Variants in THRB observed in about 807,000 individuals in gnomAD.
The protein encoded by THRB is thyroid hormone receptor beta.
In THRB, 12 loss-of-function variants were observed where a neutral mutation model predicts 47.8. The ratio of observed to expected loss-of-function variants is 0.25; its 90% CI spans 0.16 to 0.41. The LOEUF is 0.41. Ranked by LOEUF, THRB falls within the 10% of genes least tolerant of loss-of-function variation. The probability of loss-of-function intolerance (pLI) is 1.00; values close to 1 mark genes in which losing one functional copy is unlikely to be tolerated. For synonymous variants in THRB, 218 were observed against 212.2 expected (o/e 1.03, Z -0.24); for missense variants, 348 against 589.2 (o/e 0.59, Z 4.24).
At chr3:24,219,670 T>C (rs1017860933) in intron 4 of THRB, among the ~76,000 whole-genome samples, 4 of 152,352 alleles carry the variant, frequency 2.6e-5, no homozygotes, top group Middle Eastern at 3.4e-3. Context: ...TTAGATTTTT[T>C]TGTAGGTACT....
chr3:24,168,612 G>A (rs537774083), intron 5 of THRB, among the ~76,000 whole-genome samples: 94 of 151,592 alleles, frequency 6.2e-4, no homozygotes, highest in African/African-American at 2.2e-3. Context: ...TACATAAGTA[G>A]CAACATTTGA....
intron 1 of THRB, among the ~76,000 whole-genome samples, chr3:24,347,021 T>C (rs2063062515): frequency 6.6e-6 from 1 of 152,022 alleles, no homozygotes; most frequent in Non-Finnish European, 1.5e-5. Flanking sequence ...TGAATAAATT[T>C]CAAAGATCAA....
chr3:24,278,185 C>G (rs1293554063), intron 3 of THRB, among the ~76,000 whole-genome samples: 1 of 152,146 alleles, frequency 6.6e-6, no homozygotes, highest in African/African-American at 2.4e-5. Flanking sequence ...CATTTGTTCA[C>G]TCTCTCACTA....
intron 1 of THRB, among the ~76,000 whole-genome samples, chr3:24,443,780 G>C (rs2071785317): frequency 2.0e-5 from 3 of 152,036 alleles, no homozygotes; most frequent in Non-Finnish European, 4.4e-5. Context: ...ATTCTTACTG[G>C]ATACTCATAA....
chr3:24,443,764 T>A (rs2071784060), intron 1 of THRB, among the ~76,000 whole-genome samples: 1 of 152,204 alleles, frequency 6.6e-6, no homozygotes, highest in African/African-American at 2.4e-5. Flanking sequence ...AAACACATTA[T>A]AAATAATTCT....
chr3:24,257,437 T>TTAAA (rs1229978165), intron 3 of THRB, among the ~76,000 whole-genome samples: 1 of 152,156 alleles, frequency 6.6e-6, no homozygotes, highest in East Asian at 1.9e-4. Flanking sequence ...TAGATCTTTT[T>TTAAA]AAGATCTATA....
At chr3:24,434,462 A>G (rs1489939015) in intron 1 of THRB, among the ~76,000 whole-genome samples, 1 of 152,204 alleles carries the variant, frequency 6.6e-6, no homozygotes, top group East Asian at 1.9e-4. Flanking sequence ...AACAGACACC[A>G]AAGTAATGTT....
intron 5 of THRB, among the ~76,000 whole-genome samples, chr3:24,181,857 G>C (rs1453793433): frequency 6.6e-6 from 1 of 152,144 alleles, no homozygotes; most frequent in Non-Finnish European, 1.5e-5. Flanking sequence ...CATCCATTTG[G>C]AGAAGCTAAT....
At chr3:24,162,138 A>C (rs1244295819) in intron 5 of THRB, among the ~76,000 whole-genome samples, 1 of 151,728 alleles carries the variant, frequency 6.6e-6, no homozygotes, top group Non-Finnish European at 1.5e-5. Context: ...AGTATTTGTG[A>C]TGGAAACAGC....
intron 1 of THRB, among the ~76,000 whole-genome samples, chr3:24,372,373 A>G (rs771464469): frequency 5.9e-5 from 9 of 152,090 alleles, no homozygotes; most frequent in Non-Finnish European, 1.2e-4. Flanking sequence ...TTTATATGCC[A>G]TGAAATTAAG....
intron 1 of THRB, among the ~76,000 whole-genome samples, chr3:24,341,910 A>G (rs1474242087): frequency 2.0e-5 from 3 of 152,134 alleles, no homozygotes; most frequent in Admixed American, 1.3e-4. Flanking sequence ...GCCAAGTCCC[A>G]TCCATATAAG....
chr3:24,404,777 A>G (rs2067689868), intron 1 of THRB, among the ~76,000 whole-genome samples: 1 of 151,870 alleles, frequency 6.6e-6, no homozygotes, highest in Admixed American at 6.6e-5. Context: ...ATTTCTTTGG[A>G]GTTCTCAACA....
At chr3:24,457,402 T>C (rs1398543293) in intron 1 of THRB, among the ~76,000 whole-genome samples, 1 of 152,212 alleles carries the variant, frequency 6.6e-6, no homozygotes, top group Non-Finnish European at 1.5e-5. Context: ...TTAGCAGGTA[T>C]AGATGCATAA....
Position 24,266,360 on chromosome 3 carries a change from CCT to C in THRB, c.-43+30864_-43+30865del, listed in dbSNP as rs376761976. Among the ~76,000 whole-genome samples the C allele has an allele frequency of 6.2e-3, 947 of 152,258 alleles. 11 individuals carry two copies. The highest frequency in any genetic ancestry group is 0.022 in the African/African-American group (903 of 41,548). The stretch of plus-strand genomic sequence containing the variant: ...TGGCGGTGTGGCTCCAGCTCCTCCA[CCT>C]CTGAGACAATACTGAGGAAAGAAAG... On this transcript the variant is annotated intron_variant, in intron 3 of 10. Transcript: ENST00000646209.
At chr3:24,277,049 G>C (rs1045546179) in intron 3 of THRB, among the ~76,000 whole-genome samples, 1 of 152,166 alleles carries the variant, frequency 6.6e-6, no homozygotes, top group Non-Finnish European at 1.5e-5. Flanking sequence ...AAAGGCAGAA[G>C]GGAAAGCAAA....
At chr3:24,362,000 G>A (rs2064107577) in intron 1 of THRB, among the ~76,000 whole-genome samples, 1 of 152,092 alleles carries the variant, frequency 6.6e-6, no homozygotes, top group Non-Finnish European at 1.5e-5. Flanking sequence ...TAATATTGAT[G>A]ATGTTACTTT....
intron 3 of THRB, among the ~76,000 whole-genome samples, chr3:24,296,578 T>C (rs539233265): frequency 3.5e-4 from 54 of 152,264 alleles, no homozygotes; most frequent in Non-Finnish European, 6.8e-4. Flanking sequence ...GACCAGAAGA[T>C]AAATATTTAT....
chr3:24,492,553 A>T lies in THRB; in HGVS notation c.-261+2099T>A, dbSNP rs576726806. Among the ~76,000 whole-genome samples, 26 of 152,310 alleles carry T rather than the reference A, an allele frequency of 1.7e-4. 1 individual carries two copies. In the South Asian group the frequency reaches 5.2e-3, roughly 30 times the overall value. On this transcript the variant is annotated intron_variant, in intron 1 of 10. Transcript: ENST00000646209. ...ATCAAAAAGATGGGCTTACTAAAAA[A>T]AGAAACATGCAATACCATTTGTGGC...
chr3:24,382,716 T>C (rs759770377), intron 1 of THRB, among the ~76,000 whole-genome samples: 38 of 152,318 alleles, frequency 2.5e-4, no homozygotes, highest in Admixed American at 1.8e-3. Flanking sequence ...CAATCATTAC[T>C]AAATAATGTG....
Sources: gnomAD v4.1 joint callset for allele counts (sites outside exome capture counted in the v4.1 genomes callset) on GRCh38, gnomAD v4.1.1 for gene constraint, MANE v1.5 for transcripts, NCBI Gene and HGNC (gene_info 2026-07-23, HGNC 2026-07-21) for gene names.